SEMA3E: variants seen among roughly 807,000 people sequenced by gnomAD.
The protein encoded by SEMA3E is semaphorin-3E.
SEMA3E carries 49 observed loss-of-function variants against 93.6 expected under a neutral mutation model. The ratio of observed to expected loss-of-function variants is 0.52; its 90% CI spans 0.42 to 0.66. The LOEUF (loss-of-function observed/expected upper bound fraction) is 0.66. SEMA3E is among the 30% of genes least tolerant of loss of function. SEMA3E has a pLI of 0.00. For synonymous variants in SEMA3E, 363 were observed against 330.7 expected, an observed-to-expected ratio of 1.10 and a Z score of -1.06; for missense variants, 906 against 964.8, an observed-to-expected ratio of 0.94 and a Z score of 0.81.
rs372177233 is a variant in SEMA3E at position 83,452,970 on chromosome 7, T to C, written c.456+13512A>G. Among the ~76,000 whole-genome samples the C allele has an allele frequency of 3.9e-5, 6 of 152,232 alleles. No individual in the cohort carries two copies. In the South Asian group the frequency reaches 6.2e-4, roughly 16 times the overall value. On this transcript the variant is annotated intron_variant, in intron 4 of 16. Coordinates refer to ENST00000643230, the MANE Select transcript of SEMA3E (RefSeq NM_012431.3). Reference sequence around the variant, plus strand: ...AAATGGCATACTCCAATGGATAAAATGCATAATTTCTTTTAAAGTATTGGT... The same window carrying C: ...AAATGGCATACTCCAATGGATAAAACGCATAATTTCTTTTAAAGTATTGGT...
At chr7:83,404,368 C>T (rs1001512231) in intron 9 of SEMA3E, among the ~76,000 whole-genome samples, 5 of 151,896 alleles carry the variant, frequency 3.3e-5, no homozygotes, top group Non-Finnish European at 7.4e-5. Flanking sequence ...GGAAAGACCC[C>T]ACGTAAGCAC....
At chr7:83,590,269 A>G (rs1792730686) in intron 1 of SEMA3E, among the ~76,000 whole-genome samples, 1 of 152,136 alleles carries the variant, frequency 6.6e-6, no homozygotes, top group South Asian at 2.1e-4. Context: ...AACTTTCTAT[A>G]TCAGAGATAT....
chr7:83,605,431 TC>T lies in SEMA3E; in HGVS notation c.115+42996del, dbSNP rs200972555. 9.4e-3 allele frequency among the ~76,000 whole-genome samples: 1,268 copies of T among 134,696 alleles called. 13 individuals are homozygous for T. Among genetic ancestry groups the T allele is most frequent in the African/African-American group, 0.032 (963 of 29,854 alleles). The allele number at this position is 134,696 out of a possible 152,430, so 88.4% of individuals were successfully genotyped here. On this transcript the variant is annotated intron_variant, in intron 1 of 16. Transcript: ENST00000643230. ...GTTTCTTGGCCGCATAAATGTCCTC[TC>T]TTTTTTTTTTTTTATTGAGATGGAG...
chr7:83,447,860 T>A (rs1238880259), intron 4 of SEMA3E, among the ~76,000 whole-genome samples: 1 of 152,204 alleles, frequency 6.6e-6, no homozygotes, highest in Admixed American at 6.5e-5. Context: ...GCTCATATAT[T>A]GTTTTTTTCA....
intron 1 of SEMA3E, among the ~76,000 whole-genome samples, chr7:83,518,557 G>C (rs1790981296): frequency 6.6e-6 from 1 of 152,094 alleles, no homozygotes; most frequent in Non-Finnish European, 1.5e-5. Context: ...ACTTATTTCA[G>C]TTTCCTCATC....
chr7:83,406,854 T>G (rs183353214), intron 7 of SEMA3E, among the ~76,000 whole-genome samples: 179 of 152,268 alleles, frequency 1.2e-3, no homozygotes, highest in Non-Finnish European at 2.1e-3. Flanking sequence ...AAGGACAGTC[T>G]AATCATAGAC....
chr7:83,530,835 G>A (rs12155124), intron 1 of SEMA3E, among the ~76,000 whole-genome samples: 79,860 of 151,590 alleles, frequency 0.53, 23,346 homozygotes, highest in Middle Eastern at 0.69. Context: ...CCAAGATTGC[G>A]CCACTGTACT....
chr7:83,467,028 G>T (rs191070097), intron 3 of SEMA3E, among the ~76,000 whole-genome samples: 112 of 148,572 alleles, frequency 7.5e-4, no homozygotes, highest in African/African-American at 2.7e-3. Context: ...ATTTGAAAAA[G>T]CATAGTTATT....
chr7:83,648,528 C>T lies in SEMA3E; in HGVS notation c.15G>A (p.Gly5=), dbSNP rs140094033. ...CCCACAGGAGCAAGGTGATAATGTG[C>T]CCCGCGGATGCCATGCTGCCGTGTT... MASA[G]HIITLLLWGY... Residue 5 remains glycine, a synonymous_variant, in exon 1 of 17, where the codon GGG becomes GGA. Transcript: ENST00000643230. The T allele has an allele frequency of 6.3e-5, 102 of 1,613,074 alleles. 1 individual carries two copies. In the African/African-American group the frequency reaches 9.4e-4, roughly 15 times the overall value.
At chr7:83,572,146 G>T (rs1050980400) in intron 1 of SEMA3E, among the ~76,000 whole-genome samples, 1 of 151,936 alleles carries the variant, frequency 6.6e-6, no homozygotes, top group Non-Finnish European at 1.5e-5. Flanking sequence ...TGGCCAAACT[G>T]CCCAAAGCAA....
intron 4 of SEMA3E, among the ~76,000 whole-genome samples, chr7:83,458,316 A>T (rs907227987): frequency 1.3e-5 from 2 of 151,574 alleles, no homozygotes; most frequent in Non-Finnish European, 2.9e-5. Context: ...TCTTTCAAAG[A>T]AAATGATGAT....
Position 83,637,469 on chromosome 7 carries a change from C to T in SEMA3E, c.115+10959G>A, listed in dbSNP as rs115515967. On this transcript the variant is annotated intron_variant, in intron 1 of 16. Coordinates refer to ENST00000643230, the MANE Select transcript of SEMA3E (RefSeq NM_012431.3). ...CTCTGAAGGCAATGATATGGTTTGG[C>T]TCTGTGTCCCCACCCAAATCTCACC... Among the ~76,000 whole-genome samples, 1,331 of 152,222 alleles carry T rather than the reference C, an allele frequency of 8.7e-3. 18 individuals carry two copies. Among genetic ancestry groups the T allele is most frequent in the African/African-American group, 0.031 (1,288 of 41,508 alleles).
Position 83,517,792 on chromosome 7 carries a change from T to G in SEMA3E, c.116-27518A>C, listed in dbSNP as rs1790962858. Among the ~76,000 whole-genome samples the G allele has an allele frequency of 2.0e-5, 3 of 152,180 alleles. No individual in the cohort carries two copies. In the South Asian group the frequency reaches 6.2e-4, roughly 31 times the overall value. On this transcript the variant is annotated intron_variant, in intron 1 of 16. Coordinates refer to ENST00000643230, the MANE Select transcript of SEMA3E (RefSeq NM_012431.3). ...AATCATAACAAGTACCCCATATACT[T>G]GTTATGCAAAGGAAAATGAAATTTC...
intron 4 of SEMA3E, among the ~76,000 whole-genome samples, chr7:83,448,555 C>T (rs570789900): frequency 9.9e-5 from 15 of 152,176 alleles, no homozygotes; most frequent in East Asian, 1.9e-4. Context: ...AGTCCTACCA[C>T]GCTAGTATAT....
chr7:83,427,172 T>TTTTC (rs139926228), intron 4 of SEMA3E, among the ~76,000 whole-genome samples: 13,628 of 151,932 alleles, frequency 0.09, 1,309 homozygotes, highest in African/African-American at 0.24. Context: ...CCCATATGAC[T>TTTTC]TTTCTTTCTT....
intron 2 of SEMA3E, among the ~76,000 whole-genome samples, chr7:83,470,130 G>T (rs1789861931): frequency 6.6e-6 from 1 of 152,054 alleles, no homozygotes; most frequent in South Asian, 2.1e-4. Flanking sequence ...TTTTAAGATT[G>T]TTGGTTTCTT....
At chr7:83,530,953 T>G (rs1791282097) in intron 1 of SEMA3E, among the ~76,000 whole-genome samples, 1 of 152,116 alleles carries the variant, frequency 6.6e-6, no homozygotes, top group Non-Finnish European at 1.5e-5. Flanking sequence ...ATAAAGTAAT[T>G]AATATTTTAT....
chr7:83,488,294 C>T (rs2115969480), intron 2 of SEMA3E, among the ~76,000 whole-genome samples: 2 of 152,112 alleles, frequency 1.3e-5, no homozygotes, highest in South Asian at 4.2e-4. Flanking sequence ...AGCTGAAGGC[C>T]ATGGGGTCCC....
intron 1 of SEMA3E, among the ~76,000 whole-genome samples, chr7:83,515,194 C>T (rs1200680368): frequency 6.6e-6 from 1 of 151,946 alleles, no homozygotes; most frequent in African/African-American, 2.4e-5. Context: ...TTCCTTCTCA[C>T]TGCTCCAGGC....
Sources: allele counts gnomAD v4.1 joint callset (sites outside exome capture counted in the v4.1 genomes callset), GRCh38; gene constraint gnomAD v4.1.1; transcripts MANE v1.5; gene names NCBI Gene and HGNC (gene_info 2026-07-23, HGNC 2026-07-21).